SIL1: variants seen among roughly 807,000 people sequenced by gnomAD.
The protein encoded by SIL1 is SIL1 nucleotide exchange factor.
Under a neutral mutation model 49.1 loss-of-function variants are expected in SIL1, and 40 were observed. That is an observed-to-expected ratio of 0.81 (90% CI 0.63 to 1.06). The LOEUF (loss-of-function observed/expected upper bound fraction) is 1.06, where lower values mean the gene tolerates loss of function less well. Among genes scored for constraint, SIL1 ranks in the 50% least tolerant of loss-of-function variants. The probability of loss-of-function intolerance (pLI) is 0.00; values close to 1 mark genes in which losing one functional copy is unlikely to be tolerated. For missense variants in SIL1, 500 were observed against 572.6 expected, an observed-to-expected ratio of 0.87 and a Z score of 1.29; for synonymous variants, 253 against 250.8, an observed-to-expected ratio of 1.01 and a Z score of -0.08.
At chr5:138,999,029 G>A (rs1053651699) in intron 7 of SIL1, among the ~76,000 whole-genome samples, 1 of 151,834 alleles carries the variant, frequency 6.6e-6, no homozygotes. Flanking sequence ...GCTAATTTTT[G>A]TATTTTTAGT....
intron 3 of SIL1, among the ~76,000 whole-genome samples, chr5:139,089,765 A>G (rs1770302737): frequency 6.6e-6 from 1 of 152,220 alleles, no homozygotes; most frequent in South Asian, 2.1e-4. Context: ...ATCCATAAAG[A>G]CAGAAAGGAG....
chr5:139,093,430 C>A (rs867397993), intron 3 of SIL1, among the ~76,000 whole-genome samples: 1 of 152,148 alleles, frequency 6.6e-6, no homozygotes, highest in Non-Finnish European at 1.5e-5. Context: ...TCCTTCAGAG[C>A]GCAGTTAGCT....
chr5:139,023,149 G>T (rs1351831841), intron 6 of SIL1, among the ~76,000 whole-genome samples: 1 of 152,134 alleles, frequency 6.6e-6, no homozygotes, highest in African/African-American at 2.4e-5. Flanking sequence ...AGCCTTTTTG[G>T]GATGTTTTCT....
intron 1 of SIL1, among the ~76,000 whole-genome samples, chr5:139,167,807 C>T (rs1483464470): frequency 6.6e-6 from 1 of 152,050 alleles, no homozygotes; most frequent in Non-Finnish European, 1.5e-5. Context: ...GTCCTGCAAG[C>T]TCCATTCATG....
intron 5 of SIL1, 55 bp from the exon 6 acceptor site, chr5:139,027,047 G>A (rs1403735678): frequency 7.0e-6 from 11 of 1,568,836 alleles, no homozygotes; most frequent in Admixed American, 5.1e-5. Flanking sequence ...TGCCCAAGAT[G>A]TCTGTGGTCT....
intron 1 of SIL1, among the ~76,000 whole-genome samples, chr5:139,172,627 G>A (rs1356054874): frequency 1.2e-4 from 14 of 119,134 alleles, no homozygotes; most frequent in African/African-American, 2.0e-4. Context: ...GTGAGACTCC[G>A]TCTCAAAAAA....
At chr5:138,959,894 T>C (rs1766981831) in intron 7 of SIL1, among the ~76,000 whole-genome samples, 1 of 152,220 alleles carries the variant, frequency 6.6e-6, no homozygotes. Flanking sequence ...CTAGGTCAAA[T>C]CCCTAAAGGC....
intron 1 of SIL1, among the ~76,000 whole-genome samples, chr5:139,142,221 A>G (rs943737246): frequency 6.6e-6 from 1 of 152,240 alleles, no homozygotes; most frequent in Non-Finnish European, 1.5e-5. Flanking sequence ...TAAGAAGGGT[A>G]GCAGTACACT....
intron 3 of SIL1, among the ~76,000 whole-genome samples, chr5:139,101,391 T>G (rs1230665916): frequency 6.6e-6 from 1 of 152,236 alleles, no homozygotes; most frequent in African/African-American, 2.4e-5. Context: ...ACTCTCATAG[T>G]GAATGAGCTT....
chr5:139,005,199 G>T (rs980112784), intron 7 of SIL1, among the ~76,000 whole-genome samples: 3 of 151,870 alleles, frequency 2.0e-5, no homozygotes, highest in Non-Finnish European at 4.4e-5. Flanking sequence ...TATATATTTT[G>T]AAATATCATG....
intron 1 of SIL1, among the ~76,000 whole-genome samples, chr5:139,154,379 C>G (rs902092915): frequency 6.6e-6 from 1 of 152,254 alleles, no homozygotes; most frequent in African/African-American, 2.4e-5. Flanking sequence ...CCTTTACTCA[C>G]TAATGCCCAG....
intron 3 of SIL1, among the ~76,000 whole-genome samples, chr5:139,086,427 C>G (rs1770222815): frequency 6.6e-6 from 1 of 151,772 alleles, no homozygotes; most frequent in Non-Finnish European, 1.5e-5. Context: ...TGCAATGGCA[C>G]TATCTCGGCT....
chr5:139,129,086 G>A (rs1750810573), intron 1 of SIL1, among the ~76,000 whole-genome samples: 1 of 152,168 alleles, frequency 6.6e-6, no homozygotes, highest in Admixed American at 6.5e-5. Context: ...GGCAAAGGTT[G>A]CGGTGAGCTG....
In SIL1 at chr5:139,141,498, A is replaced by AT. The variant is rs1294865459; in HGVS notation, c.-10-13646dup. ...CTGTCTCTACAAAAAAAAAAAAAAA[A>AT]TTTTTTTTTCATTAGCAGGGCATGG... is the stretch of plus-strand genomic sequence containing the variant. On this transcript the variant is annotated intron_variant, in intron 1 of 9. Coordinates refer to ENST00000394817, the MANE Select transcript of SIL1 (RefSeq NM_022464.5). Among the ~76,000 whole-genome samples the AT allele has an allele frequency of 1.5e-4, 23 of 150,498 alleles. No homozygotes were observed. In the East Asian group the frequency reaches 1.9e-3, roughly 13 times the overall value.
At chr5:139,054,039 G>T (rs1170924816) in intron 3 of SIL1, among the ~76,000 whole-genome samples, 2 of 152,182 alleles carry the variant, frequency 1.3e-5, no homozygotes, top group African/African-American at 4.8e-5. Flanking sequence ...CCAGCACTTT[G>T]GGAGGCTGAG....
chr5:139,116,609 A>G (rs559384683), intron 3 of SIL1, among the ~76,000 whole-genome samples: 1 of 152,352 alleles, frequency 6.6e-6, no homozygotes, highest in East Asian at 1.9e-4. Context: ...GCAAAGGTGT[A>G]TATACATAGA....
At chr5:139,151,469 A>G (rs949754131) in intron 1 of SIL1, among the ~76,000 whole-genome samples, 22 of 152,366 alleles carry the variant, frequency 1.4e-4, no homozygotes, top group African/African-American at 4.8e-4. Context: ...CTGACATTAA[A>G]GCCATGCCAA....
intron 1 of SIL1, among the ~76,000 whole-genome samples, chr5:139,161,158 G>C (rs532743197): frequency 7.2e-5 from 11 of 152,208 alleles, no homozygotes; most frequent in South Asian, 6.2e-4. Context: ...CAGGAGAATC[G>C]CTTGAACCTG....
intron 3 of SIL1, among the ~76,000 whole-genome samples, chr5:139,101,129 G>A (rs961758379): frequency 1.3e-5 from 2 of 151,982 alleles, no homozygotes; most frequent in East Asian, 1.9e-4. Flanking sequence ...CATCCACTGT[G>A]TACCTAGTAC....
Sources: allele counts gnomAD v4.1 joint callset (sites outside exome capture counted in the v4.1 genomes callset), GRCh38; gene constraint gnomAD v4.1.1; transcripts MANE v1.5; gene names NCBI Gene and HGNC (gene_info 2026-07-23, HGNC 2026-07-21).